SMC2: variants seen among roughly 807,000 people sequenced by gnomAD.
The protein encoded by SMC2 is structural maintenance of chromosomes 2, also known as structural maintenance of chromosomes protein 2.
A neutral mutation model predicts 142.6 loss-of-function variants in SMC2; 41 were observed. The ratio of observed to expected loss-of-function variants is 0.29; its 90% CI spans 0.22 to 0.37. The LOEUF (loss-of-function observed/expected upper bound fraction) is 0.37. Ranked by LOEUF, SMC2 falls within the 10% of genes least tolerant of loss-of-function variation. The probability of loss-of-function intolerance (pLI) is 1.00; values close to 1 mark genes in which losing one functional copy is unlikely to be tolerated. For synonymous variants in SMC2, 463 were observed against 457.5 expected (o/e 1.01, Z -0.15); for missense variants, 1,265 against 1,373.7 (o/e 0.92, Z 1.25).
At chr9:104,127,253 C>T (rs1834413753) in intron 19 of SMC2, 33 bp from the exon 20 acceptor site, 2 of 1,480,196 alleles carry the variant, frequency 1.4e-6, no homozygotes, top group East Asian at 2.3e-5. Flanking sequence ...CATGTTACCT[C>T]ACCACATATT....
intron 21 of SMC2, among the ~76,000 whole-genome samples, chr9:104,130,418 A>C (rs531342864): frequency 6.6e-6 from 1 of 152,098 alleles, no homozygotes; most frequent in African/African-American, 2.4e-5. Flanking sequence ...TACTCTTAAG[A>C]TAGCCATAAG....
At chr9:104,119,831 A>T (rs563187291) in intron 15 of SMC2, among the ~76,000 whole-genome samples, 196 bp from the exon 16 acceptor site, 1 of 152,360 alleles carries the variant, frequency 6.6e-6, no homozygotes, top group East Asian at 1.9e-4. Context: ...AATAATACCT[A>T]CTACAACCTC....
Position 104,134,499 on chromosome 9 carries a change from T to C in SMC2, c.3193T>C (p.Leu1065=). 4.3e-6 allele frequency: 7 copies of C among 1,612,874 alleles called. No individual in the cohort carries two copies. The highest frequency in any genetic ancestry group is 5.9e-6 in the Non-Finnish European group (7 of 1,179,218). The part of the protein sequence containing the change: ...MLAPPEGQTV[L]DGLEFKVALG... ...TGCACCACCAGAGGGTCAAACTGTTTTGGATGGTCTGGAGTTCAAGGTTGC... is the reference window on the plus strand; with the variant it reads ...TGCACCACCAGAGGGTCAAACTGTTCTGGATGGTCTGGAGTTCAAGGTTGC... The change falls in exon 23 of 25, where the codon TTG becomes CTG. Residue 1065 remains leucine (L), a synonymous_variant. Coordinates refer to ENST00000374793, the MANE Select transcript of SMC2 (RefSeq NM_006444.3).
chr9:104,119,776 G>A (rs560763740), intron 15 of SMC2, among the ~76,000 whole-genome samples: 2 of 152,100 alleles, frequency 1.3e-5, no homozygotes, highest in South Asian at 2.1e-4. Flanking sequence ...AGTGTCAGAC[G>A]ATGGAAGATG....
At chr9:104,106,214 C>G (rs780473299) in intron 9 of SMC2, among the ~76,000 whole-genome samples, 1 of 152,078 alleles carries the variant, frequency 6.6e-6, no homozygotes, top group Non-Finnish European at 1.5e-5. Flanking sequence ...TGCCCATTAT[C>G]ATGTTGCTTG....
intron 21 of SMC2, among the ~76,000 whole-genome samples, chr9:104,130,323 G>A (rs1335322701): frequency 6.6e-6 from 1 of 152,050 alleles, no homozygotes; most frequent in African/African-American, 2.4e-5. Context: ...ACAAAACTTT[G>A]AGTCTGGGAA....
Position 104,096,315 on chromosome 9 carries a change from CT to C in SMC2, c.318+21del. Reference sequence around the variant, plus strand: ...CAAGGCAGGTGAGTGGCAATTAAACCTTTGGGTATCTTAAGACCTTTTATGT... The same window carrying C: ...CAAGGCAGGTGAGTGGCAATTAAACCTTGGGTATCTTAAGACCTTTTATGT... On this transcript the variant is annotated intron_variant, in intron 3 of 24. Coordinates refer to ENST00000374793, the MANE Select transcript of SMC2 (RefSeq NM_006444.3). 6.2e-7 allele frequency: 1 copy of C among 1,612,082 alleles called. No individual in the cohort carries two copies. The highest frequency in any genetic ancestry group is 8.5e-7 in the Non-Finnish European group (1 of 1,178,604).
chr9:104,136,217 CTCTG>C (rs1564121442), intron 23 of SMC2, among the ~76,000 whole-genome samples: 1 of 152,062 alleles, frequency 6.6e-6, no homozygotes. Flanking sequence ...AATTATTGTT[CTCTG>C]TCCTGTAATT....
At chr9:104,128,090 A>G (rs1564110332) in intron 20 of SMC2, among the ~76,000 whole-genome samples, 1 of 152,204 alleles carries the variant, frequency 6.6e-6, no homozygotes, top group African/African-American at 2.4e-5. Flanking sequence ...CTGCATTCAC[A>G]TGGTATTAAT....
At position 104,139,375 on chromosome 9, in the gene SMC2, G is replaced by C; in HGVS notation, c.*60G>C. On this transcript the variant is annotated 3_prime_UTR_variant, in exon 25 of 25. Coordinates refer to ENST00000374793, the MANE Select transcript of SMC2 (RefSeq NM_006444.3). ...TTTAAATGTAAACTTTTAAGGACTT[G>C]AGATAACTAATTTGTTTATATACAA... is the stretch of plus-strand genomic sequence containing the variant. 7.4e-7 allele frequency: 1 copy of C among 1,358,076 alleles called. No individual in the cohort carries two copies. The allele number at this position is 1,358,076 out of a possible 1,614,324, so 84.1% of individuals were successfully genotyped here. A position where few individuals can be genotyped will look rare whatever the true frequency, so the allele number is the denominator to read the frequency against.
chr9:104,134,462 T>C lies in SMC2; in HGVS notation c.3156T>C (p.Ala1052=), dbSNP rs751956811. 6.2e-7 allele frequency: 1 copy of C among 1,612,242 alleles called. No individual in the cohort carries two copies. The highest frequency in any genetic ancestry group is 8.5e-7 in the Non-Finnish European group (1 of 1,178,840). Reference sequence around the variant, plus strand: ...TTTTTTCTACTCTTTTGCCTGGTGCTAATGCTATGCTTGCACCACCAGAGG... The same window carrying C: ...TTTTTTCTACTCTTTTGCCTGGTGCCAATGCTATGCTTGCACCACCAGAGG... The part of the protein sequence containing the change: ...GSIFSTLLPG[A]NAMLAPPEGQ... The change falls in exon 23 of 25, where the codon GCT becomes GCC. Residue 1052 remains alanine (A), a synonymous_variant. Coordinates refer to ENST00000374793, the MANE Select transcript of SMC2 (RefSeq NM_006444.3).
chr9:104,102,828 A>G (rs1425315719), intron 9 of SMC2, among the ~76,000 whole-genome samples: 1 of 152,172 alleles, frequency 6.6e-6, no homozygotes, highest in East Asian at 1.9e-4. Context: ...ATGTGGAGAA[A>G]AAGCAGGGAA....
chr9:104,096,597 T>G (rs1830466717), intron 3 of SMC2, among the ~76,000 whole-genome samples: 1 of 152,258 alleles, frequency 6.6e-6, no homozygotes, highest in Non-Finnish European at 1.5e-5. Context: ...GTACTTGAGA[T>G]CTTTCAATCT....
chr9:104,121,127 C>G (rs1833682646), intron 16 of SMC2, among the ~76,000 whole-genome samples: 1 of 137,398 alleles, frequency 7.3e-6, no homozygotes, highest in African/African-American at 3.5e-5. Flanking sequence ...CTGTGGTTAT[C>G]TGGGAGAATA....
At chr9:104,101,320 C>G (rs569307511) in intron 7 of SMC2, among the ~76,000 whole-genome samples, 1 of 152,032 alleles carries the variant, frequency 6.6e-6, no homozygotes, top group Non-Finnish European at 1.5e-5. Flanking sequence ...TCTTGTGAAT[C>G]CATATAGTAG....
upstream of SMC2, among the ~76,000 whole-genome samples, chr9:104,091,791 T>C (rs927737308): frequency 5.9e-5 from 9 of 152,096 alleles, no homozygotes; most frequent in Non-Finnish European, 8.8e-5. Context: ...TCCTTCCAGT[T>C]CCCTAGGAGA....
chr9:104,102,460 C>G lies in SMC2; in HGVS notation c.907C>G (p.Leu303Val). The G allele has an allele frequency of 6.2e-7, 1 of 1,611,746 alleles. No individual in the cohort carries two copies. Among genetic ancestry groups the G allele is most frequent in the Non-Finnish European group, 8.5e-7 (1 of 1,179,032 alleles). ...TATACTTCGATCTTTAGAAGATGCT[C>G]TTGCAGAGGCTCAGCGAGTTAATAC... is the stretch of plus-strand genomic sequence containing the variant. ...GGILRSLEDA[L>V]AEAQRVNTKS... The change falls in exon 9 of 25, where the codon CTT becomes GTT. Residue 303 changes from leucine (L) to valine (V), a missense_variant. Physicochemically the swap from Leu to Val is conservative, Grantham distance 32. Around this residue, in one of 4 missense-constraint regions of SMC2, gnomAD observed 898 missense variants for 904.2 expected, o/e 0.99. Transcript: ENST00000374793.
At position 104,132,118 on chromosome 9, in the gene SMC2, G is replaced by T; in HGVS notation, c.3101G>T (p.Trp1034Leu). 6.6e-7 allele frequency: 1 copy of T among 1,516,910 alleles called. No individual in the cohort carries two copies. Among genetic ancestry groups the T allele is most frequent in the South Asian group, 1.2e-5 (1 of 85,120 alleles). 94.0% of individuals were successfully genotyped at this position (1,516,910 alleles called of 1,614,324 possible). A position where few individuals can be genotyped will look rare whatever the true frequency, so the allele number is the denominator to read the frequency against. ...QKKNQALNIA[W>L]QKVNKDFGSI... is the part of the protein sequence containing the mutation. ...AAAAACCAAGCCCTAAATATTGCAT[G>T]GCAAAAGGTACTTTTTATGTTTGTT... Residue 1034 changes from tryptophan (W) to leucine (L), a missense_variant, in exon 22 of 25, where the codon TGG (tryptophan) becomes TTG (leucine). Trp to Leu is a moderately conservative substitution (Grantham distance 61, BLOSUM62 -2). This residue lies in a region of SMC2 where 192 missense variants were observed against 261.9 expected (regional missense o/e 0.73). Coordinates refer to ENST00000374793, the MANE Select transcript of SMC2 (RefSeq NM_006444.3).
intron 4 of SMC2, among the ~76,000 whole-genome samples, chr9:104,098,775 G>C (rs1441465003): frequency 6.6e-6 from 1 of 150,978 alleles, no homozygotes; most frequent in African/African-American, 2.4e-5. Flanking sequence ...CCTCTAGAAT[G>C]TTTAGAAGTA....
Sources: allele counts gnomAD v4.1 joint callset (sites outside exome capture counted in the v4.1 genomes callset), GRCh38; gene constraint gnomAD v4.1.1; regional missense constraint gnomAD v4.1.1; transcripts MANE v1.5; gene names NCBI Gene and HGNC (gene_info 2026-07-23, HGNC 2026-07-21).